The following LARGE1 variants were observed in gnomAD, a reference collection of about 807,000 sequenced individuals.
The protein encoded by LARGE1 is xylosyl- and glucuronyltransferase LARGE1.
In LARGE1, 43 loss-of-function variants were observed where a neutral mutation model predicts 87.6. The observed-to-expected ratio is 0.49, with a 90% CI of 0.38 to 0.63. The LOEUF (loss-of-function observed/expected upper bound fraction) is 0.63, where lower values mean the gene tolerates loss of function less well. Among genes scored for constraint, LARGE1 ranks in the 30% least tolerant of loss-of-function variants. The pLI is 0.00. For synonymous variants in LARGE1, 434 were observed against 394.6 expected (o/e 1.10, Z -1.18); for missense variants, 802 against 1,000.2 (o/e 0.80, Z 2.67).
chr22:33,388,844 C>T (rs1201743776), intron 7 of LARGE1, among the ~76,000 whole-genome samples: 3 of 152,218 alleles, frequency 2.0e-5, no homozygotes, highest in African/African-American at 7.2e-5. Context: ...TGGGATTTTA[C>T]AGGTGTGAGC....
At chr22:33,397,347 T>C (rs2065785094) in intron 7 of LARGE1, among the ~76,000 whole-genome samples, 1 of 152,172 alleles carries the variant, frequency 6.6e-6, no homozygotes, top group Middle Eastern at 3.2e-3. Context: ...ACTCCCGACC[T>C]CAGCTGATCC....
chr22:33,444,387 A>G (rs376664336), intron 6 of LARGE1, among the ~76,000 whole-genome samples: 11 of 152,134 alleles, frequency 7.2e-5, no homozygotes, highest in African/African-American at 2.7e-4. Context: ...TTTTCCCCTT[A>G]TAGTATTCCT....
At chr22:33,283,055 G>A (rs1243782605) in intron 13 of LARGE1, 147 bp downstream of exon 13, 8 of 986,060 alleles carry the variant, frequency 8.1e-6, no homozygotes, top group Admixed American at 5.2e-5. Flanking sequence ...TTACAAGGAC[G>A]TTGTCTGGAG....
At chr22:33,810,324 T>C (rs1335533822) in intron 1 of LARGE1, among the ~76,000 whole-genome samples, 2 of 152,122 alleles carry the variant, frequency 1.3e-5, no homozygotes, top group East Asian at 1.9e-4. Flanking sequence ...AGCCCGATAC[T>C]CTTGGTCCCA....
intron 2 of LARGE1, among the ~76,000 whole-genome samples, chr22:33,677,973 T>C (rs1003604435): frequency 3.9e-5 from 6 of 152,254 alleles, no homozygotes; most frequent in Admixed American, 2.6e-4. Flanking sequence ...CACAACTCAA[T>C]GTGTCTAATA....
chr22:33,275,548 C>A (rs1407028038), intron 14 of LARGE1, among the ~76,000 whole-genome samples: 1 of 152,108 alleles, frequency 6.6e-6, no homozygotes, highest in African/African-American at 2.4e-5. Flanking sequence ...AATGCAAGAT[C>A]TCCCAGAGCT....
intron 10 of LARGE1, among the ~76,000 whole-genome samples, chr22:33,319,885 C>T (rs1001209236): frequency 2.0e-5 from 3 of 152,176 alleles, no homozygotes; most frequent in Non-Finnish European, 4.4e-5. Flanking sequence ...CCCTGTGATG[C>T]TCCAAATGTA....
intron 7 of LARGE1, among the ~76,000 whole-genome samples, chr22:33,400,569 G>A (rs1375656297): frequency 3.3e-5 from 5 of 152,250 alleles, no homozygotes; most frequent in South Asian, 2.1e-4. Flanking sequence ...GATGCTTCAC[G>A]GCACACGATG....
At chr22:33,297,746 G>A (rs529795977) in intron 12 of LARGE1, among the ~76,000 whole-genome samples, 5 of 151,882 alleles carry the variant, frequency 3.3e-5, no homozygotes, top group African/African-American at 1.2e-4. Context: ...TTGGGAGGCC[G>A]AGGTGGGCGG....
At chr22:33,310,098 C>T (rs1251948224) in intron 11 of LARGE1, among the ~76,000 whole-genome samples, 1 of 152,144 alleles carries the variant, frequency 6.6e-6, no homozygotes, top group Non-Finnish European at 1.5e-5. Flanking sequence ...CCAGGCACCA[C>T]CCGAGATTCT....
intron 6 of LARGE1, among the ~76,000 whole-genome samples, chr22:33,447,869 G>A (rs2067749332): frequency 6.6e-6 from 1 of 152,050 alleles, no homozygotes; most frequent in Non-Finnish European, 1.5e-5. Flanking sequence ...TGTGTGGAAA[G>A]GAATGGAGTA....
chr22:33,677,308 G>T (rs796668811), intron 2 of LARGE1, among the ~76,000 whole-genome samples: 1 of 131,978 alleles, frequency 7.6e-6, no homozygotes. Flanking sequence ...AAAAAAAAAA[G>T]AAAAGAAAAA....
chr22:33,105,867 A>AT, the LARGE1 span: 1 of 152,358 alleles, frequency 6.6e-6, no homozygotes, highest in Non-Finnish European at 1.5e-5. Flanking sequence ...TCGGAGCAGG[A>AT]AAGCCTGATG....
intron 1 of LARGE1, among the ~76,000 whole-genome samples, chr22:33,852,484 CAT>C (rs1043003458): frequency 6.6e-6 from 1 of 151,982 alleles, no homozygotes; most frequent in African/African-American, 2.4e-5. Flanking sequence ...GCAAAGGTAA[CAT>C]GTGTTTTTTG....
chr22:33,750,992 A>C (rs1306869288), intron 2 of LARGE1: 2 of 152,252 alleles, frequency 1.3e-5, no homozygotes, highest in African/African-American at 2.4e-5. Context: ...CACATATCCC[A>C]AAGGTTAAGA....
intron 2 of LARGE1, among the ~76,000 whole-genome samples, chr22:33,683,269 C>T (rs1352297601): frequency 6.6e-6 from 1 of 152,164 alleles, no homozygotes; most frequent in Non-Finnish European, 1.5e-5. Flanking sequence ...AATTGAAGAT[C>T]TGAGTAGAAT....
At chr22:33,441,035 T>C (rs988642654) in intron 6 of LARGE1, among the ~76,000 whole-genome samples, 4 of 151,206 alleles carry the variant, frequency 2.6e-5, no homozygotes, top group African/African-American at 9.7e-5. Flanking sequence ...TTTTTTCCTA[T>C]GTGTCTCAAA....
chr22:33,601,007 T>C (rs920496474), intron 5 of LARGE1, among the ~76,000 whole-genome samples: 3 of 151,844 alleles, frequency 2.0e-5, no homozygotes, highest in Admixed American at 1.3e-4. Context: ...GAGGTGGAGG[T>C]TGCAATGAGC....
rs374984766 is a variant in LARGE1, at chr22:33,718,679, A to G, written c.106+42692T>C. On this transcript the variant is annotated intron_variant, in intron 2 of 14. Coordinates refer to ENST00000397394, the MANE Select transcript of LARGE1 (RefSeq NM_133642.5). Reference sequence around the variant, plus strand: ...TCAATGCACGTTCATGCCCCTGAAGACCTCTCAGTGAAATAAGTGGAGGTG... The same window carrying G: ...TCAATGCACGTTCATGCCCCTGAAGGCCTCTCAGTGAAATAAGTGGAGGTG... 5.3e-5 allele frequency among the ~76,000 whole-genome samples: 8 copies of G among 152,300 alleles called. No individual in the cohort carries two copies. In the East Asian group the frequency reaches 1.5e-3, roughly 29 times the overall value.
Sources: allele counts gnomAD v4.1 joint callset (sites outside exome capture counted in the v4.1 genomes callset), GRCh38; gene constraint gnomAD v4.1.1; transcripts MANE v1.5; gene names NCBI Gene and HGNC (gene_info 2026-07-23, HGNC 2026-07-21).